FMNL2: variants seen among roughly 807,000 people sequenced by gnomAD.
FMNL2 encodes formin-like protein 2.
FMNL2 carries 51 observed loss-of-function variants against 130.2 expected under a neutral mutation model. The ratio of observed to expected loss-of-function variants is 0.39; its 90% confidence interval spans 0.31 to 0.49. The LOEUF (loss-of-function observed/expected upper bound fraction) is 0.49, where lower values mean the gene tolerates loss of function less well. FMNL2 is among the 20% of genes least tolerant of loss of function. The pLI, the probability that FMNL2 is intolerant of heterozygous loss-of-function variation, is 0.85. For synonymous variants in FMNL2, 465 were observed against 467.1 expected (o/e 1.00, Z 0.06); for missense variants, 977 against 1,316.2 (o/e 0.74, Z 3.99).
chr2:152,484,109 C>T (rs1690683970), intron 1 of FMNL2, among the ~76,000 whole-genome samples: 1 of 152,172 alleles, frequency 6.6e-6, no homozygotes, highest in African/African-American at 2.4e-5. Context: ...GGTAATGGCC[C>T]TGATCCCTTT....
chr2:152,357,883 G>A (rs528100990), intron 1 of FMNL2, among the ~76,000 whole-genome samples: 2 of 152,252 alleles, frequency 1.3e-5, no homozygotes, highest in South Asian at 4.1e-4. Flanking sequence ...GGTTAATATC[G>A]AGTGTCAACT....
Position 152,491,965 on chromosome 2 carries a change from C to G in FMNL2, c.118-29978C>G, listed in dbSNP as rs118124617. ...GACTTCATCTCAACAACAACAACAA[C>G]AACAAACTATATATTGTAAAATAGA... On this transcript the variant is annotated intron_variant, in intron 1 of 25. Transcript: ENST00000288670. Among the ~76,000 whole-genome samples the G allele has an allele frequency of 5.7e-4, 87 of 152,228 alleles. No individual in the cohort carries two copies. The East Asian group carries it at 0.014, about 25-fold the overall frequency.
At chr2:152,348,555 T>C (rs13401202) in intron 1 of FMNL2, among the ~76,000 whole-genome samples, 6,855 of 152,312 alleles carry the variant, frequency 0.045, 252 homozygotes, top group African/African-American at 0.093. Flanking sequence ...GAAATGACAC[T>C]TGGTCATAGA....
intron 9 of FMNL2, among the ~76,000 whole-genome samples, chr2:152,603,420 A>G (rs1388195257): frequency 7.6e-6 from 1 of 132,212 alleles, no homozygotes; most frequent in Admixed American, 7.6e-5. Flanking sequence ...TTTTTTTAAG[A>G]TTAGAGGTAT....
At chr2:152,387,948 T>A (rs1435821149) in intron 1 of FMNL2, among the ~76,000 whole-genome samples, 1 of 152,126 alleles carries the variant, frequency 6.6e-6, no homozygotes, top group Non-Finnish European at 1.5e-5. Context: ...GCCACTGCGC[T>A]TGGCTGCACG....
intron 1 of FMNL2, among the ~76,000 whole-genome samples, chr2:152,449,751 C>G (rs1688530951): frequency 6.6e-6 from 1 of 152,152 alleles, no homozygotes. Context: ...AATCCAAAGA[C>G]TTTAGAAAAT....
chr2:152,446,788 A>G (rs1688361211), intron 1 of FMNL2, among the ~76,000 whole-genome samples: 1 of 152,214 alleles, frequency 6.6e-6, no homozygotes, highest in African/African-American at 2.4e-5. Context: ...TAGGGGAAAT[A>G]CACCCCTACT....
intron 1 of FMNL2, among the ~76,000 whole-genome samples, chr2:152,367,265 G>A (rs1468689041): frequency 6.6e-6 from 1 of 151,894 alleles, no homozygotes; most frequent in African/African-American, 2.4e-5. Flanking sequence ...TGGTAAAGAT[G>A]GGGTTTCACC....
At chr2:152,498,476 T>C (rs1254223848) in intron 1 of FMNL2, among the ~76,000 whole-genome samples, 1 of 152,218 alleles carries the variant, frequency 6.6e-6, no homozygotes, top group Non-Finnish European at 1.5e-5. Flanking sequence ...CTTTATATTA[T>C]CTGGGTTGTC....
At chr2:152,388,331 C>T (rs892320649) in intron 1 of FMNL2, among the ~76,000 whole-genome samples, 3 of 152,132 alleles carry the variant, frequency 2.0e-5, no homozygotes, top group Non-Finnish European at 2.9e-5. Context: ...ACTCACAGTT[C>T]AGCATGGCTG....
chr2:152,339,370 G>T (rs560089869), intron 1 of FMNL2, among the ~76,000 whole-genome samples: 3 of 152,278 alleles, frequency 2.0e-5, no homozygotes, highest in South Asian at 4.1e-4. Context: ...ATGATAAGAA[G>T]GTGGTTCTGG....
chr2:152,473,317 C>T (rs932781213), intron 1 of FMNL2, among the ~76,000 whole-genome samples: 15 of 152,130 alleles, frequency 9.9e-5, no homozygotes, highest in African/African-American at 2.9e-4. Context: ...CATTCTCCCA[C>T]CCCAGCCTCC....
At chr2:152,390,141 G>T (rs769772951) in intron 1 of FMNL2, 4 of 1,265,522 alleles carry the variant, frequency 3.2e-6, no homozygotes, top group Non-Finnish European at 1.2e-6. Context: ...CAACGGGGCA[G>T]ACCTGCCCAA....
At chr2:152,494,614 C>T (rs1014365156) in intron 1 of FMNL2, among the ~76,000 whole-genome samples, 8 of 152,120 alleles carry the variant, frequency 5.3e-5, no homozygotes, top group African/African-American at 9.7e-5. Flanking sequence ...TGAGAATTGT[C>T]GTTTTGGTTT....
At chr2:152,549,981 A>ATG (rs1694847062) in intron 4 of FMNL2, among the ~76,000 whole-genome samples, 1 of 152,130 alleles carries the variant, frequency 6.6e-6, no homozygotes, top group African/African-American at 2.4e-5. Flanking sequence ...ATTAATTTTG[A>ATG]TGTATATATA....
intron 1 of FMNL2, among the ~76,000 whole-genome samples, chr2:152,494,887 G>C (rs1475051481): frequency 6.6e-6 from 1 of 152,152 alleles, no homozygotes; most frequent in Non-Finnish European, 1.5e-5. Flanking sequence ...TTATTCATTT[G>C]ACAGATACTT....
At chr2:152,566,896 A>G (rs1695872100) in intron 6 of FMNL2, among the ~76,000 whole-genome samples, 1 of 152,154 alleles carries the variant, frequency 6.6e-6, no homozygotes, top group Non-Finnish European at 1.5e-5. Flanking sequence ...GGGAAAAGGG[A>G]GAAGTCAGGA....
At chr2:152,423,345 A>G (rs1579628407) in intron 1 of FMNL2, among the ~76,000 whole-genome samples, 1 of 152,352 alleles carries the variant, frequency 6.6e-6, no homozygotes, top group African/African-American at 2.4e-5. Context: ...AGATAGAGAA[A>G]CAGAAGCATA....
intron 1 of FMNL2, among the ~76,000 whole-genome samples, chr2:152,421,283 A>T (rs1310351966): frequency 6.6e-6 from 1 of 152,206 alleles, no homozygotes; most frequent in Non-Finnish European, 1.5e-5. Flanking sequence ...AAAGCCGGTA[A>T]TGTGAGGTAT....
Sources: allele counts gnomAD v4.1 joint callset (sites outside exome capture counted in the v4.1 genomes callset), GRCh38; gene constraint gnomAD v4.1.1; transcripts MANE v1.5; gene names NCBI Gene and HGNC (gene_info 2026-07-23, HGNC 2026-07-21).